Variants in NCOA2 observed in about 807,000 individuals in gnomAD.
The protein encoded by NCOA2 is class E basic helix-loop-helix protein 75.
Under a neutral mutation model 145.1 loss-of-function variants are expected in NCOA2, and 21 were observed. The observed-to-expected ratio is 0.14, with a 90% CI of 0.10 to 0.21. NCOA2 has a LOEUF of 0.21. NCOA2 is among the 10% of genes least tolerant of loss of function. The probability of loss-of-function intolerance (pLI) is 1.00; values close to 1 mark genes in which losing one functional copy is unlikely to be tolerated. For synonymous variants in NCOA2, 619 were observed against 637.5 expected, an observed-to-expected ratio of 0.97 and a Z score of 0.44; for missense variants, 1,472 against 1,837.6, an observed-to-expected ratio of 0.80 and a Z score of 3.64.
the NCOA2 span, among the ~76,000 whole-genome samples, chr8:70,439,264 T>C: frequency 6.6e-6 from 1 of 152,124 alleles, no homozygotes; most frequent in South Asian, 2.1e-4. Flanking sequence ...TTAAACACAG[T>C]CCCTGCCCTG....
At chr8:70,180,312 T>C (rs970731094) in intron 4 of NCOA2, among the ~76,000 whole-genome samples, 1 of 152,234 alleles carries the variant, frequency 6.6e-6, no homozygotes, top group East Asian at 1.9e-4. Context: ...ATAATTTTTC[T>C]CTGACTCGCC....
intron 22 of NCOA2, among the ~76,000 whole-genome samples, chr8:70,120,743 C>T (rs1248109958): frequency 2.6e-5 from 4 of 151,464 alleles, no homozygotes; most frequent in Non-Finnish European, 5.9e-5. Context: ...CAAAACAAAA[C>T]AAAAAAACAA....
At chr8:70,210,689 G>C (rs1563625469) in intron 4 of NCOA2, among the ~76,000 whole-genome samples, 2 of 152,084 alleles carry the variant, frequency 1.3e-5, no homozygotes, top group Non-Finnish European at 2.9e-5. Context: ...GTAACTGACA[G>C]AGCACAGACT....
the NCOA2 span, among the ~76,000 whole-genome samples, chr8:70,436,441 G>A: frequency 6.6e-6 from 1 of 152,156 alleles, no homozygotes; most frequent in Non-Finnish European, 1.5e-5. Context: ...CATGGTAAAG[G>A]CCATTAGTTC....
intron 1 of NCOA2, among the ~76,000 whole-genome samples, chr8:70,376,830 T>C (rs566443128): frequency 2.4e-4 from 36 of 152,304 alleles, no homozygotes; most frequent in African/African-American, 8.7e-4. Flanking sequence ...GTATCTTTCA[T>C]CTTCAGCCAG....
At chr8:70,162,591 AGAT>A in intron 9 of NCOA2, 117 bp downstream of exon 9, 1 of 1,030,868 alleles carries the variant, frequency 9.7e-7, no homozygotes, top group South Asian at 1.9e-5. Context: ...CACTGGGGCC[AGAT>A]GAGACAGCTC....
intron 4 of NCOA2, among the ~76,000 whole-genome samples, chr8:70,202,380 T>C (rs142311530): frequency 0.011 from 1,737 of 152,270 alleles, 43 homozygotes; most frequent in African/African-American, 0.04. Context: ...CAAAGAGATA[T>C]TTGCATCCCC....
the NCOA2 span, among the ~76,000 whole-genome samples, chr8:70,413,090 T>G: frequency 8.0e-6 from 1 of 125,252 alleles, no homozygotes; most frequent in East Asian, 2.2e-4. Context: ...AGAGTGAGAC[T>G]CCGTCTCAAA....
chr8:70,395,852 A>G (rs181911386), intron 1 of NCOA2, among the ~76,000 whole-genome samples: 72 of 152,362 alleles, frequency 4.7e-4, no homozygotes, highest in African/African-American at 1.7e-3. Context: ...TCATATGGAC[A>G]CACTAAATGA....
chr8:70,252,592 TC>T (rs2134779112), intron 2 of NCOA2, among the ~76,000 whole-genome samples: 1 of 152,296 alleles, frequency 6.6e-6, no homozygotes, highest in Admixed American at 6.5e-5. Context: ...TATTAACTTT[TC>T]CCAAATAGAG....
chr8:70,326,598 A>G (rs1806609218), intron 1 of NCOA2, among the ~76,000 whole-genome samples: 1 of 152,128 alleles, frequency 6.6e-6, no homozygotes, highest in African/African-American at 2.4e-5. Flanking sequence ...GCAAATTTTT[A>G]ATTTCTTACA....
At chr8:70,140,172 G>A (rs890314334) in intron 14 of NCOA2, among the ~76,000 whole-genome samples, 1 of 152,046 alleles carries the variant, frequency 6.6e-6, no homozygotes, top group Non-Finnish European at 1.5e-5. Flanking sequence ...TATATTCAGA[G>A]TTGTACAACC....
At chr8:70,275,306 T>C (rs1411465746) in intron 2 of NCOA2, among the ~76,000 whole-genome samples, 1 of 152,134 alleles carries the variant, frequency 6.6e-6, no homozygotes, top group Non-Finnish European at 1.5e-5. Context: ...AGAAATCATC[T>C]AAGAGTAGAA....
chr8:70,170,175 A>G (rs953377334), intron 6 of NCOA2, 27 bp downstream of exon 6: 23 of 1,606,992 alleles, frequency 1.4e-5, no homozygotes, highest in Non-Finnish European at 1.8e-5. Flanking sequence ...GACGGGAGGT[A>G]GGGAGGGAGA....
intron 4 of NCOA2, among the ~76,000 whole-genome samples, chr8:70,193,877 G>A (rs1417730782): frequency 6.6e-6 from 1 of 150,902 alleles, no homozygotes; most frequent in African/African-American, 2.5e-5. Flanking sequence ...TTGCTATCTG[G>A]TGTTAACTGG....
chr8:70,367,515 A>T (rs1810822893), intron 1 of NCOA2, among the ~76,000 whole-genome samples: 1 of 152,170 alleles, frequency 6.6e-6, no homozygotes, highest in Admixed American at 6.5e-5. Flanking sequence ...AGAGTATAAC[A>T]TAGATTTTGG....
intron 11 of NCOA2, among the ~76,000 whole-genome samples, chr8:70,154,292 T>C (rs1276219044): frequency 6.6e-6 from 1 of 152,184 alleles, no homozygotes; most frequent in Non-Finnish European, 1.5e-5. Context: ...AGATAAGAAG[T>C]ATAGGGCATA....
At chr8:70,279,041 A>G (rs1001952437) in intron 2 of NCOA2, among the ~76,000 whole-genome samples, 2 of 152,016 alleles carry the variant, frequency 1.3e-5, no homozygotes, top group Non-Finnish European at 2.9e-5. Context: ...GGCACTCAAG[A>G]TTAAAGTAAA....
chr8:70,110,793 A>C lies in NCOA2; in HGVS notation c.*2839T>G, dbSNP rs1367625735. 4.4e-6 allele frequency: 1 copy of C among 225,368 alleles called. No individual in the cohort carries two copies. The highest frequency in any genetic ancestry group is 8.8e-6 in the Non-Finnish European group (1 of 113,134). 14.0% of individuals were successfully genotyped at this position (225,368 alleles called of 1,614,324 possible). ...GAGTCAAACGAATTCATTGTAGTAA[A>C]ACAGCTCACTTCACTTTTTAAACTT... On this transcript the variant is annotated 3_prime_UTR_variant, in exon 23 of 23. Transcript: ENST00000452400.
Sources: allele counts gnomAD v4.1 joint callset (sites outside exome capture counted in the v4.1 genomes callset), GRCh38; gene constraint gnomAD v4.1.1; transcripts MANE v1.5; gene names NCBI Gene and HGNC (gene_info 2026-07-23, HGNC 2026-07-21).